Variants in ROBO2 observed in about 807,000 individuals in gnomAD.
ROBO2 encodes the protein roundabout homolog 2.
Under a neutral mutation model 160.8 loss-of-function variants are expected in ROBO2, and 53 were observed. The ratio of observed to expected loss-of-function variants is 0.33; its 90% CI spans 0.26 to 0.41. ROBO2 has a LOEUF of 0.41. Ranked by LOEUF, ROBO2 falls within the 10% of genes least tolerant of loss-of-function variation. The probability of loss-of-function intolerance (pLI) is 1.00; values close to 1 mark genes in which losing one functional copy is unlikely to be tolerated. For missense variants in ROBO2, 1,577 were observed against 1,722.4 expected (o/e 0.92, Z 1.49); for synonymous variants, 664 against 611.7 (o/e 1.09, Z -1.26).
At chr3:76,971,063 A>C (rs896872472) in intron 2 of ROBO2, among the ~76,000 whole-genome samples, 1 of 152,198 alleles carries the variant, frequency 6.6e-6, no homozygotes, top group African/African-American at 2.4e-5. Context: ...TTACACTATG[A>C]AGTTCTTCCT....
At chr3:77,207,073 G>A (rs1283986616) in intron 2 of ROBO2, among the ~76,000 whole-genome samples, 2 of 152,096 alleles carry the variant, frequency 1.3e-5, no homozygotes, top group South Asian at 2.1e-4. Context: ...TTAAACAATC[G>A]TATGCAAATA....
chr3:76,792,418 G>A (rs750029530), intron 2 of ROBO2, among the ~76,000 whole-genome samples: 62 of 151,680 alleles, frequency 4.1e-4, no homozygotes, highest in Non-Finnish European at 8.4e-4. Flanking sequence ...AGGAACAACT[G>A]TAATTTGTTT....
chr3:75,979,410 G>T (rs2107434543), intron 2 of ROBO2, among the ~76,000 whole-genome samples: 1 of 151,554 alleles, frequency 6.6e-6, no homozygotes, highest in African/African-American at 2.4e-5. Flanking sequence ...TCTTGAGTAG[G>T]CAGGAGAGAA....
chr3:77,153,406 C>T (rs2077705376), intron 2 of ROBO2, among the ~76,000 whole-genome samples: 1 of 151,984 alleles, frequency 6.6e-6, no homozygotes, highest in Non-Finnish European at 1.5e-5. Flanking sequence ...TTTCCTTTAC[C>T]ATTTTCCCAT....
chr3:76,279,882 T>C (rs1708140174), intron 2 of ROBO2, among the ~76,000 whole-genome samples: 1 of 152,002 alleles, frequency 6.6e-6, no homozygotes, highest in African/African-American at 2.4e-5. Context: ...TGTTTTGGGA[T>C]TGATTTGGTA....
intron 2 of ROBO2, among the ~76,000 whole-genome samples, chr3:76,304,562 A>G (rs765194972): frequency 6.6e-6 from 1 of 152,214 alleles, no homozygotes; most frequent in African/African-American, 2.4e-5. Context: ...TTGATGGAGT[A>G]TATAATACAA....
At chr3:75,957,641 T>C (rs1395349990) in intron 2 of ROBO2, among the ~76,000 whole-genome samples, 1 of 151,576 alleles carries the variant, frequency 6.6e-6, no homozygotes, top group Admixed American at 6.6e-5. Context: ...TTGATTGTTA[T>C]CTCTCTACAT....
chr3:76,359,608 A>AT (rs951057356), intron 2 of ROBO2, among the ~76,000 whole-genome samples: 8 of 151,866 alleles, frequency 5.3e-5, no homozygotes, highest in Non-Finnish European at 1.2e-4. Context: ...TCAGGCTTGG[A>AT]TTTTTTTCTC....
chr3:76,743,952 GT>G (rs1031848156), intron 2 of ROBO2, among the ~76,000 whole-genome samples: 2 of 152,068 alleles, frequency 1.3e-5, no homozygotes, highest in African/African-American at 4.8e-5. Context: ...ATTGGGTTTT[GT>G]AATTAGGAAA....
At chr3:77,402,433 T>TA (rs551724323) in intron 2 of ROBO2, among the ~76,000 whole-genome samples, 6 of 151,564 alleles carry the variant, frequency 4.0e-5, no homozygotes, top group Non-Finnish European at 8.8e-5. Context: ...TAAAGTATAA[T>TA]AAAAAAAATT....
intron 2 of ROBO2, among the ~76,000 whole-genome samples, chr3:76,470,974 T>C (rs879650987): frequency 2.6e-5 from 4 of 151,812 alleles, no homozygotes; most frequent in Non-Finnish European, 5.9e-5. Flanking sequence ...AAAACTTTCT[T>C]ATATGCTCTT....
intron 2 of ROBO2, among the ~76,000 whole-genome samples, chr3:76,682,067 G>A (rs1336874837): frequency 1.3e-5 from 2 of 152,116 alleles, no homozygotes; most frequent in Non-Finnish European, 2.9e-5. Context: ...TGTGAAGTAA[G>A]AGCCAGTAAA....
At chr3:77,069,730 G>A (rs115387207) in intron 1 of ROBO2, among the ~76,000 whole-genome samples, 2,803 of 152,172 alleles carry the variant, frequency 0.018, 75 homozygotes, top group African/African-American at 0.062. Context: ...TGAGCAGCAC[G>A]GACCAGGTGC....
intron 2 of ROBO2, among the ~76,000 whole-genome samples, chr3:76,162,954 A>G (rs1055631378): frequency 1.3e-5 from 2 of 151,908 alleles, no homozygotes; most frequent in Admixed American, 1.3e-4. Context: ...TTACCTTGCC[A>G]TGTTTGTGAT....
intron 2 of ROBO2, among the ~76,000 whole-genome samples, chr3:77,413,900 T>G (rs1052344364): frequency 2.0e-5 from 3 of 152,140 alleles, no homozygotes; most frequent in African/African-American, 7.2e-5. Context: ...GTTGGATGCA[T>G]GAGTCCAAGG....
intron 2 of ROBO2, among the ~76,000 whole-genome samples, chr3:76,028,536 A>G (rs925907753): frequency 6.6e-6 from 1 of 152,036 alleles, no homozygotes; most frequent in African/African-American, 2.4e-5. Context: ...TTGCTAATGA[A>G]TAAGGAAAGC....
chr3:76,032,066 C>A (rs2066940919), intron 2 of ROBO2, among the ~76,000 whole-genome samples: 2 of 152,104 alleles, frequency 1.3e-5, no homozygotes, highest in Admixed American at 1.3e-4. Flanking sequence ...CATTCAACTT[C>A]TTCCTGGTTT....
intron 2 of ROBO2, among the ~76,000 whole-genome samples, chr3:76,711,143 T>C (rs1034793794): frequency 8.5e-5 from 13 of 152,284 alleles, no homozygotes; most frequent in Middle Eastern, 6.8e-3. Context: ...GGGAAATTTA[T>C]AAAGAAAAGA....
chr3:76,963,094 T>C (rs971540275), intron 2 of ROBO2, among the ~76,000 whole-genome samples: 1 of 152,152 alleles, frequency 6.6e-6, no homozygotes, highest in African/African-American at 2.4e-5. Flanking sequence ...AAGAAAAGTT[T>C]GTTTAAAATA....
Sources: allele counts gnomAD v4.1 joint callset (sites outside exome capture counted in the v4.1 genomes callset), GRCh38; gene constraint gnomAD v4.1.1; transcripts MANE v1.5; gene names NCBI Gene and HGNC (gene_info 2026-07-23, HGNC 2026-07-21).